PIAS1: variants seen among roughly 807,000 people sequenced by gnomAD.
The protein encoded by PIAS1 is E3 SUMO-protein ligase PIAS1.
A neutral mutation model predicts 71.3 loss-of-function variants in PIAS1; 6 were observed. The observed-to-expected ratio is 0.08, with a 90% confidence interval of 0.05 to 0.17. The LOEUF (loss-of-function observed/expected upper bound fraction) is 0.17, where lower values mean the gene tolerates loss of function less well. Ranked by LOEUF, PIAS1 falls within the 10% of genes least tolerant of loss-of-function variation. The pLI is 1.00. For synonymous variants in PIAS1, 303 were observed against 292.9 expected, an observed-to-expected ratio of 1.03 and a Z score of -0.35; for missense variants, 555 against 793.6, an observed-to-expected ratio of 0.70 and a Z score of 3.61.
intron 2 of PIAS1, among the ~76,000 whole-genome samples, chr15:68,090,927 G>GGTGTGTGTGTGTGTGTGT (rs10667510): frequency 1.9e-4 from 27 of 142,852 alleles, no homozygotes; most frequent in South Asian, 4.6e-4. Flanking sequence ...GTCATTTACG[G>GGTGTGTGTGTGTGTGTGT]GTGTGTGTGT....
At chr15:68,144,987 G>T (rs899787862) in intron 4 of PIAS1, among the ~76,000 whole-genome samples, 1 of 152,100 alleles carries the variant, frequency 6.6e-6, no homozygotes, top group Non-Finnish European at 1.5e-5. Context: ...TCCCTACTAT[G>T]TAACTCAGGG....
At chr15:68,123,784 A>G (rs979804072) in intron 2 of PIAS1, among the ~76,000 whole-genome samples, 1 of 152,208 alleles carries the variant, frequency 6.6e-6, no homozygotes, top group Non-Finnish European at 1.5e-5. Flanking sequence ...ATAAAAGGAA[A>G]CTTGTATAAT....
At chr15:68,097,466 C>T (rs2092385932) in intron 2 of PIAS1, among the ~76,000 whole-genome samples, 1 of 151,986 alleles carries the variant, frequency 6.6e-6, no homozygotes, top group Non-Finnish European at 1.5e-5. Context: ...GAGTTTTACT[C>T]TTGTCACCCA....
At chr15:68,094,906 TTCTG>T (rs2092361340) in intron 2 of PIAS1, among the ~76,000 whole-genome samples, 1 of 152,200 alleles carries the variant, frequency 6.6e-6, no homozygotes, top group Non-Finnish European at 1.5e-5. Flanking sequence ...ATAGATAATA[TTCTG>T]TCTTTTTATC....
At chr15:68,058,245 T>C (rs2091917761) in intron 1 of PIAS1, among the ~76,000 whole-genome samples, 1 of 152,238 alleles carries the variant, frequency 6.6e-6, no homozygotes, top group African/African-American at 2.4e-5. Context: ...TTGTGGTGTT[T>C]TCTGAAGTGT....
At chr15:68,156,433 G>A (rs1567068021) in intron 7 of PIAS1, among the ~76,000 whole-genome samples, 2 of 152,194 alleles carry the variant, frequency 1.3e-5, no homozygotes, top group Non-Finnish European at 2.9e-5. Context: ...GCTGGGTGCA[G>A]TGGCTCACCC....
At chr15:68,152,888 T>G (rs1473061305) in intron 6 of PIAS1, among the ~76,000 whole-genome samples, 2 of 151,118 alleles carry the variant, frequency 1.3e-5, no homozygotes, top group East Asian at 1.9e-4. Context: ...TTTTTTTTGG[T>G]TTTGGCTTTT....
intron 1 of PIAS1, among the ~76,000 whole-genome samples, chr15:68,059,004 T>C (rs2091927579): frequency 6.9e-6 from 1 of 145,330 alleles, no homozygotes; most frequent in South Asian, 2.2e-4. Context: ...ATTCTACTTT[T>C]TTTTTTTTTT....
rs779343857 is a variant in PIAS1, at chr15:68,086,270, G to A, written c.25-36G>A. 4.5e-6 allele frequency: 6 copies of A among 1,344,400 alleles called. No homozygotes were observed. Among genetic ancestry groups the A allele is most frequent in the Non-Finnish European group, 3.1e-6 (3 of 980,230 alleles). 83.3% of individuals were successfully genotyped at this position (1,344,400 alleles called of 1,614,324 possible). The stretch of plus-strand genomic sequence containing the variant: ...TTTAATAGTGTAAATTATATTATTG[G>A]AATACTAATGTTTTACATTTTGTTT... On this transcript the variant is annotated intron_variant, in intron 1 of 13. Coordinates refer to ENST00000249636, the MANE Select transcript of PIAS1 (RefSeq NM_016166.3). This position sits in a 1 kb window ranked among gnomAD's most constrained non-coding sequence, Gnocchi z 7.2.
At chr15:68,158,291 C>G (rs952748782) in intron 7 of PIAS1, among the ~76,000 whole-genome samples, 3 of 152,156 alleles carry the variant, frequency 2.0e-5, no homozygotes, top group African/African-American at 7.2e-5. Flanking sequence ...TCTTTTCATA[C>G]TTCACATTCC....
chr15:68,166,331 T>C (rs1391989000), intron 8 of PIAS1, among the ~76,000 whole-genome samples: 1 of 151,874 alleles, frequency 6.6e-6, no homozygotes, highest in African/African-American at 2.4e-5. Context: ...TTTTTGTGTG[T>C]GTGGTTTTTT....
intron 1 of PIAS1, among the ~76,000 whole-genome samples, chr15:68,066,291 T>C (rs994905378): frequency 1.3e-5 from 2 of 151,932 alleles, no homozygotes; most frequent in Non-Finnish European, 2.9e-5. Context: ...GTGTTTTTAG[T>C]AGAGATGGGC....
chr15:68,104,488 A>G (rs2092453467), intron 2 of PIAS1, among the ~76,000 whole-genome samples: 1 of 152,138 alleles, frequency 6.6e-6, no homozygotes, highest in Admixed American at 6.5e-5. Context: ...CTCTTCACTA[A>G]TTTATTCTAT....
intron 2 of PIAS1, among the ~76,000 whole-genome samples, chr15:68,110,937 T>C (rs1051279076): frequency 1.3e-5 from 2 of 152,136 alleles, no homozygotes; most frequent in Non-Finnish European, 2.9e-5. Context: ...ATTGAATATA[T>C]AGGGTTTAAA....
intron 2 of PIAS1, among the ~76,000 whole-genome samples, chr15:68,129,499 A>G (rs1019263305): frequency 2.0e-5 from 3 of 152,166 alleles, no homozygotes; most frequent in Non-Finnish European, 2.9e-5. Flanking sequence ...AGATTTTTAA[A>G]ATGACATTAA....
intron 1 of PIAS1, chr15:68,057,413 T>A (rs539358769): frequency 1.6e-4 from 62 of 390,708 alleles, no homozygotes; most frequent in Middle Eastern, 7.6e-4. Flanking sequence ...TAAAGTAATT[T>A]AAAAAAAAAT....
chr15:68,063,906 G>C (rs1049003038), intron 1 of PIAS1, among the ~76,000 whole-genome samples: 3 of 49,112 alleles, frequency 6.1e-5, no homozygotes, highest in Non-Finnish European at 1.2e-4. Flanking sequence ...TGTGCACTTG[G>C]AATTAAAAAA....
intron 2 of PIAS1, among the ~76,000 whole-genome samples, chr15:68,114,029 TACAC>T (rs58536041): frequency 0.089 from 11,125 of 125,206 alleles, 492 homozygotes; most frequent in Admixed American, 0.21. Context: ...ATATATTTCA[TACAC>T]ACACACACAC....
chr15:68,106,381 A>G (rs2092470119), intron 2 of PIAS1, among the ~76,000 whole-genome samples: 1 of 151,830 alleles, frequency 6.6e-6, no homozygotes, highest in Admixed American at 6.6e-5. Context: ...AAGAATAAAC[A>G]AAAGAAACAC....
Sources: gnomAD v4.1 joint callset for allele counts (sites outside exome capture counted in the v4.1 genomes callset) on GRCh38, gnomAD v4.1.1 for gene constraint, Gnocchi (gnomAD v3.1) non-coding constraint, MANE v1.5 for transcripts, NCBI Gene and HGNC (gene_info 2026-07-23, HGNC 2026-07-21) for gene names.